ZCCHC4: variants seen among roughly 807,000 people sequenced by gnomAD.
ZCCHC4 encodes the protein zinc finger CCHC-type containing 4, also known as rRNA N(6)-adenosine-methyltransferase ZCCHC4.
Under a neutral mutation model 67.7 loss-of-function variants are expected in ZCCHC4, and 54 were observed. The observed-to-expected ratio is 0.80, with a 90% CI of 0.64 to 1.00. The LOEUF is 1.00. ZCCHC4 is among the 50% of genes least tolerant of loss of function. The probability of loss-of-function intolerance (pLI) is 0.00; values close to 1 mark genes in which losing one functional copy is unlikely to be tolerated. For synonymous variants in ZCCHC4, 198 were observed against 213.5 expected (o/e 0.93, Z 0.63); for missense variants, 609 against 617.0 (o/e 0.99, Z 0.14).
intron 2 of ZCCHC4, among the ~76,000 whole-genome samples, 177 bp downstream of exon 2, chr4:25,314,341 A>G (rs761349257): frequency 2.6e-5 from 4 of 152,144 alleles, no homozygotes; most frequent in Admixed American, 2.6e-4. Flanking sequence ...CTGATTACTG[A>G]TATCTTAAAC....
rs1721091335 is a variant in ZCCHC4, at chr4:25,370,156, G to A, written c.*992G>A. The A allele has an allele frequency of 6.6e-6, 1 of 152,162 alleles. No individual in the cohort carries two copies. The highest frequency in any genetic ancestry group is 2.1e-4 in the South Asian group (1 of 4,824). 9.4% of individuals were successfully genotyped at this position (152,162 alleles called of 1,614,324 possible). On this transcript the variant is annotated 3_prime_UTR_variant, in exon 13 of 13. Transcript: ENST00000302874. ...ATTCCAGTGTCGTTTAACCTATGCA[G>A]TAAGATTCTGTCTTTGTAAAAGTAG...
intron 9 of ZCCHC4, 45 bp from the exon 10 acceptor site, chr4:25,362,181 A>G (rs749464527): frequency 1.3e-6 from 2 of 1,546,996 alleles, no homozygotes; most frequent in South Asian, 2.3e-5. Flanking sequence ...TACTCTGTAA[A>G]TCTCAATAAA....
rs138279624 is a variant in ZCCHC4 at position 25,327,293 on chromosome 4, G to A, written c.330-5890G>A. Among the ~76,000 whole-genome samples, 7 of 152,278 alleles carry A rather than the reference G, an allele frequency of 4.6e-5. No homozygotes were observed. In the East Asian group the frequency reaches 1.4e-3, roughly 29 times the overall value. Reference sequence around the variant, plus strand: ...TTGGGGAAATGCATTCAGTCTTTCAGCTGTATGGTGTTAGCAATAGGTTTT... The same window carrying A: ...TTGGGGAAATGCATTCAGTCTTTCAACTGTATGGTGTTAGCAATAGGTTTT... On this transcript the variant is annotated intron_variant, in intron 3 of 12. Transcript: ENST00000302874.
In ZCCHC4 at chr4:25,362,210, C is replaced by T; in HGVS notation, c.1134-16C>T. 6.3e-7 allele frequency: 1 copy of T among 1,599,464 alleles called. No individual in the cohort carries two copies. The highest frequency in any genetic ancestry group is 8.5e-7 in the Non-Finnish European group (1 of 1,171,190). On this transcript the variant is annotated splice_polypyrimidine_tract_variant and intron_variant, in intron 9 of 12. Coordinates refer to ENST00000302874, the MANE Select transcript of ZCCHC4 (RefSeq NM_024936.3). Reference sequence around the variant, plus strand: ...CAATAAATGTATGCAGCTGATTTCTCTGTCCTTTACTCTAGATTTTGCTCT... The same window carrying T: ...CAATAAATGTATGCAGCTGATTTCTTTGTCCTTTACTCTAGATTTTGCTCT...
chr4:25,315,958 A>G (rs1054021724), intron 3 of ZCCHC4, among the ~76,000 whole-genome samples: 6 of 152,158 alleles, frequency 3.9e-5, no homozygotes, highest in Non-Finnish European at 5.9e-5. Flanking sequence ...GGCTCAAGGG[A>G]TCCGCCCACC....
chr4:25,322,048 T>C (rs1180446546), intron 3 of ZCCHC4, among the ~76,000 whole-genome samples: 1 of 152,206 alleles, frequency 6.6e-6, no homozygotes, highest in Non-Finnish European at 1.5e-5. Context: ...CTGACGGCAA[T>C]TATAAATCAT....
At chr4:25,342,068 G>A (rs1719780052) in intron 5 of ZCCHC4, among the ~76,000 whole-genome samples, 2 of 152,044 alleles carry the variant, frequency 1.3e-5, no homozygotes, top group Admixed American at 1.3e-4. Context: ...TGTTTTATTG[G>A]GGATATCACA....
At chr4:25,337,030 G>A (rs1239823636) in intron 5 of ZCCHC4, among the ~76,000 whole-genome samples, 1 of 152,178 alleles carries the variant, frequency 6.6e-6, no homozygotes, top group Non-Finnish European at 1.5e-5. Flanking sequence ...TTTTAAACTT[G>A]TTTATATGCC....
chr4:25,336,070 T>G (rs920723022), intron 5 of ZCCHC4, among the ~76,000 whole-genome samples: 1 of 152,188 alleles, frequency 6.6e-6, no homozygotes, highest in African/African-American at 2.4e-5. Flanking sequence ...ATTTCAGTGG[T>G]TTTTGTTGTT....
chr4:25,351,545 T>G, intron 7 of ZCCHC4, 44 bp from the exon 8 acceptor site: 1 of 1,358,176 alleles, frequency 7.4e-7, no homozygotes, highest in Non-Finnish European at 1.0e-6. Context: ...CCTTCTATTT[T>G]TTCTTTAATT....
At chr4:25,368,297 T>C (rs1357265090) in intron 12 of ZCCHC4, among the ~76,000 whole-genome samples, 6 of 152,190 alleles carry the variant, frequency 3.9e-5, no homozygotes, top group Non-Finnish European at 8.8e-5. Flanking sequence ...TTGAGTGTCA[T>C]GGCATGATTC....
At chr4:25,345,793 AT>A (rs1453381800) in intron 6 of ZCCHC4, among the ~76,000 whole-genome samples, 173 bp downstream of exon 6, 1 of 152,242 alleles carries the variant, frequency 6.6e-6, no homozygotes, top group African/African-American at 2.4e-5. Flanking sequence ...AGGTGATTTT[AT>A]TATTCCCTTG....
At chr4:25,358,958 C>A (rs1489670499) in intron 8 of ZCCHC4, among the ~76,000 whole-genome samples, 1 of 152,210 alleles carries the variant, frequency 6.6e-6, no homozygotes, top group Admixed American at 6.5e-5. Flanking sequence ...ACTGGTCTAC[C>A]CACTCCCCTT....
intron 6 of ZCCHC4, among the ~76,000 whole-genome samples, chr4:25,349,154 T>G (rs1720166010): frequency 6.6e-6 from 1 of 152,206 alleles, no homozygotes. Context: ...GTTTGTTAAA[T>G]TGAATTTAAC....
chr4:25,362,125 C>T (rs374563224), intron 9 of ZCCHC4, 101 bp from the exon 10 acceptor site: 18 of 1,437,612 alleles, frequency 1.3e-5, no homozygotes, highest in African/African-American at 8.6e-5. Flanking sequence ...TAATTGAATT[C>T]AGATTGCACC....
chr4:25,337,390 C>G (rs1011520752), intron 5 of ZCCHC4, among the ~76,000 whole-genome samples: 6 of 152,198 alleles, frequency 3.9e-5, no homozygotes, highest in Non-Finnish European at 1.5e-5. Context: ...TTCCTTCCTA[C>G]TGCCAGGGAC....
At chr4:25,333,762 C>T in intron 4 of ZCCHC4, 146 bp from the exon 5 acceptor site, 1 of 661,930 alleles carries the variant, frequency 1.5e-6, no homozygotes, top group East Asian at 2.9e-5. Flanking sequence ...AAAATTGAAA[C>T]CTTGATTATA....
chr4:25,366,382 C>T (rs1462008402), intron 12 of ZCCHC4: 7 of 561,820 alleles, frequency 1.2e-5, no homozygotes, highest in Non-Finnish European at 1.6e-5. Context: ...GTGGCCTGAT[C>T]TCGGCTCACT....
chr4:25,327,203 G>C (rs1718926850), intron 3 of ZCCHC4, among the ~76,000 whole-genome samples: 2 of 152,066 alleles, frequency 1.3e-5, no homozygotes, highest in Non-Finnish European at 2.9e-5. Context: ...TATCAAACTG[G>C]CTAGAAACCC....
Sources: allele counts gnomAD v4.1 joint callset (sites outside exome capture counted in the v4.1 genomes callset), GRCh38; gene constraint gnomAD v4.1.1; transcripts MANE v1.5; gene names NCBI Gene and HGNC (gene_info 2026-07-23, HGNC 2026-07-21).